The following EVL variants were observed in gnomAD, a reference collection of about 807,000 sequenced individuals.
EVL encodes the protein ena/VASP-like protein.
EVL carries 21 observed loss-of-function variants against 59.6 expected under a neutral mutation model. The observed-to-expected ratio is 0.35, with a 90% confidence interval of 0.25 to 0.51. The LOEUF (loss-of-function observed/expected upper bound fraction) is 0.51, where lower values mean the gene tolerates loss of function less well. Ranked by LOEUF, EVL falls within the 20% of genes least tolerant of loss-of-function variation. EVL has a pLI of 0.97. For missense variants in EVL, 462 were observed against 546.6 expected, an observed-to-expected ratio of 0.85 and a Z score of 1.54; for synonymous variants, 198 against 203.5, an observed-to-expected ratio of 0.97 and a Z score of 0.23.
At position 100,117,241 on chromosome 14, in the gene EVL, A is replaced by G. The variant is rs185619287; in HGVS notation, c.359-6298A>G. On this transcript the variant is annotated intron_variant, in intron 3 of 13. Transcript: ENST00000392920. ...CCGGGTGGCTCCTAAGGCTCTCTGT[A>G]CAGCCCTGAGAACCTGTCCAGCTCC... Among the ~76,000 whole-genome samples, 164 of 152,332 alleles carry G rather than the reference A, an allele frequency of 1.1e-3. 1 individual carries two copies. The highest frequency in any genetic ancestry group is 3.9e-3 in the African/African-American group (162 of 41,578).
chr14:100,063,357 A>G (rs1412342250), upstream of EVL, among the ~76,000 whole-genome samples: 1 of 152,236 alleles, frequency 6.6e-6, no homozygotes, highest in Admixed American at 6.5e-5. Flanking sequence ...GTCAGTGTCC[A>G]GAAGCTGAGA....
intron 1 of EVL, among the ~76,000 whole-genome samples, chr14:99,981,454 G>A (rs748454518): frequency 1.3e-5 from 2 of 151,918 alleles, no homozygotes; most frequent in Non-Finnish European, 2.9e-5. Context: ...AAAAAGAAAA[G>A]TAACAATTAT....
At chr14:100,031,578 G>A (rs1015258927) in intron 1 of EVL, among the ~76,000 whole-genome samples, 2 of 152,172 alleles carry the variant, frequency 1.3e-5, no homozygotes, top group African/African-American at 2.4e-5. Context: ...AGACTACAAT[G>A]TTTGATCTAG....
At chr14:100,053,461 T>TA (rs1402224644) in intron 1 of EVL, among the ~76,000 whole-genome samples, 2 of 150,948 alleles carry the variant, frequency 1.3e-5, no homozygotes, top group Admixed American at 1.3e-4. Flanking sequence ...TTCCTTGTCT[T>TA]TAATATACTC....
rs972740650 is a variant in EVL, at chr14:100,090,980, A to G, written c.180+6125A>G. On this transcript the variant is annotated intron_variant, in intron 2 of 13. Transcript: ENST00000392920. ...GAAAATGTGAAAGTAGCTACAAACT[A>G]TTATAGTAATATAATAATATATACT... Among the ~76,000 whole-genome samples, 6 of 152,212 alleles carry G rather than the reference A, an allele frequency of 3.9e-5. No homozygotes were observed. In the South Asian group the frequency reaches 6.2e-4, roughly 16 times the overall value.
chr14:100,088,571 A>G (rs2140307095), intron 2 of EVL, among the ~76,000 whole-genome samples: 1 of 152,352 alleles, frequency 6.6e-6, no homozygotes, highest in Middle Eastern at 3.4e-3. Flanking sequence ...CAGTTGTAAC[A>G]CAGTGGTATT....
At chr14:100,047,833 T>A (rs1442899465) in intron 1 of EVL, among the ~76,000 whole-genome samples, 1 of 152,138 alleles carries the variant, frequency 6.6e-6, no homozygotes, top group African/African-American at 2.4e-5. Flanking sequence ...AAATGCCAAG[T>A]GATGTTTGAC....
At chr14:100,094,105 G>A (rs1885636336) in intron 2 of EVL, among the ~76,000 whole-genome samples, 1 of 151,934 alleles carries the variant, frequency 6.6e-6, no homozygotes, top group Non-Finnish European at 1.5e-5. Context: ...ATGGATAAGC[G>A]GGGACTACCA....
Position 100,092,387 on chromosome 14 carries a change from TCAG to T in EVL, c.181-5090_181-5088del, listed in dbSNP as rs57258237. ...AAGAATGCAAAACTACCCATGTCCATCAGCAGGAGAATGGAGAAGTTGTGGTTA... is the reference window on the plus strand; with the variant it reads ...AAGAATGCAAAACTACCCATGTCCATCAGGAGAATGGAGAAGTTGTGGTTA... On this transcript the variant is annotated intron_variant, in intron 2 of 13. Transcript: ENST00000392920. 8.7e-3 allele frequency among the ~76,000 whole-genome samples: 1,326 copies of T among 152,268 alleles called. 26 individuals are homozygous for T. Among genetic ancestry groups the T allele is most frequent in the African/African-American group, 0.031 (1,271 of 41,540 alleles).
Position 100,027,964 on chromosome 14 carries a change from C to A in EVL, c.5+55907C>A, listed in dbSNP as rs774531686. Among the ~76,000 whole-genome samples the A allele has an allele frequency of 1.3e-5, 2 of 152,166 alleles. 1 individual carries two copies. The highest frequency in any genetic ancestry group is 2.9e-5 in the Non-Finnish European group (2 of 68,028). Reference sequence around the variant, plus strand: ...TACTGGGATTACAGGCATGAGCCACCGCACCCAGACTCAATTCCTATCTGG... The same window carrying A: ...TACTGGGATTACAGGCATGAGCCACAGCACCCAGACTCAATTCCTATCTGG... On this transcript the variant is annotated intron_variant, in intron 1 of 13. Coordinates refer to the EVL transcript ENST00000402714.
chr14:100,055,817 C>CTTTTTCTTTTTCTTTTTCTTTTTCTTTT (rs79548235), intron 1 of EVL, among the ~76,000 whole-genome samples: 3 of 152,178 alleles, frequency 2.0e-5, no homozygotes, highest in African/African-American at 7.2e-5. Context: ...CTTTTTCTTT[C>CTTTTTCTTTTTCTTTTTCTTTTTCTTTT]TCTTTTTCTT....
At chr14:100,097,373 C>T (rs1436565690) in intron 2 of EVL, 108 bp from the exon 3 acceptor site, 1 of 947,848 alleles carries the variant, frequency 1.1e-6, no homozygotes, top group East Asian at 2.7e-5. Context: ...ACCCCATCCC[C>T]ATCTTCCTGT....
At chr14:100,113,165 A>T (rs1887111458) in intron 3 of EVL, among the ~76,000 whole-genome samples, 1 of 152,178 alleles carries the variant, frequency 6.6e-6, no homozygotes, top group African/African-American at 2.4e-5. Context: ...AAAGAAGCAA[A>T]ATAGGCAACG....
rs2061460950 is a variant in EVL at position 100,041,095 on chromosome 14, C to T, written c.6-43592C>T. ...ATATGCAGAAATGTGTACTTAGAAA[C>T]AGTGGCATTGTTGATACAATATGGT... On this transcript the variant is annotated intron_variant, in intron 1 of 13. Coordinates refer to the EVL transcript ENST00000402714. 3.3e-5 allele frequency among the ~76,000 whole-genome samples: 5 copies of T among 152,096 alleles called. No individual in the cohort carries two copies. In the South Asian group the frequency reaches 1.0e-3, roughly 32 times the overall value.
At chr14:100,021,512 G>C (rs1181457771) in intron 1 of EVL, among the ~76,000 whole-genome samples, 1 of 152,108 alleles carries the variant, frequency 6.6e-6, no homozygotes, top group Non-Finnish European at 1.5e-5. Context: ...GTATGTGGGG[G>C]CCCCGTGATC....
chr14:100,078,273 G>C (rs1285981125), intron 1 of EVL, among the ~76,000 whole-genome samples: 2 of 152,222 alleles, frequency 1.3e-5, no homozygotes, highest in East Asian at 3.9e-4. Flanking sequence ...CCCTGGACCC[G>C]GGATTAAAAA....
intron 1 of EVL, among the ~76,000 whole-genome samples, chr14:100,071,559 G>T (rs192011411): frequency 7.9e-5 from 12 of 152,288 alleles, no homozygotes; most frequent in Admixed American, 5.9e-4. Context: ...TTTCAAATAA[G>T]GTGAATATGG....
intron 13 of EVL, among the ~76,000 whole-genome samples, chr14:100,143,282 G>A (rs1055032595): frequency 6.6e-6 from 1 of 152,066 alleles, no homozygotes; most frequent in Admixed American, 6.5e-5. Context: ...GGAGGGCAGA[G>A]CCTCAGCCTC....
At chr14:99,986,668 GACATGGTTTTCT>G (rs1478179562) in intron 1 of EVL, among the ~76,000 whole-genome samples, 1 of 152,204 alleles carries the variant, frequency 6.6e-6, no homozygotes, top group Non-Finnish European at 1.5e-5. Context: ...ATGAATTGAA[GACATGGTTTTCT>G]ACACATGTAG....
Sources: gnomAD v4.1 joint callset for allele counts (sites outside exome capture counted in the v4.1 genomes callset) on GRCh38, gnomAD v4.1.1 for gene constraint, MANE v1.5 for transcripts, NCBI Gene and HGNC (gene_info 2026-07-23, HGNC 2026-07-21) for gene names.